TENM1: variants seen among roughly 807,000 people sequenced by gnomAD.
TENM1 encodes teneurin transmembrane protein 1.
Under a neutral mutation model 174.8 loss-of-function variants are expected in TENM1, and 35 were observed. The observed-to-expected ratio is 0.20, with a 90% confidence interval of 0.15 to 0.27. The LOEUF (loss-of-function observed/expected upper bound fraction) is 0.27. TENM1 is among the 10% of genes least tolerant of loss of function. TENM1 has a pLI of 1.00. For synonymous variants in TENM1, 781 were observed against 798.7 expected, an observed-to-expected ratio of 0.98 and a Z score of 0.37; for missense variants, 1,633 against 2,130.1, an observed-to-expected ratio of 0.77 and a Z score of 4.59.
intron 22 of TENM1, among the ~76,000 whole-genome samples, chrX:124,463,358 A>G (rs762192898): frequency 3.6e-5 from 4 of 112,134 alleles, no homozygotes; most frequent in African/African-American, 6.5e-5. Context: ...TGAAGAAGAT[A>G]AAGTATTATG....
chrX:125,201,517 G>A, the TENM1 span, among the ~76,000 whole-genome samples: 1 of 111,512 alleles, frequency 9.0e-6, no homozygotes, highest in East Asian at 2.8e-4. Context: ...AAAAATATTT[G>A]TGGGGTTTTT....
intron 4 of TENM1, among the ~76,000 whole-genome samples, chrX:124,731,779 G>A (rs773007105): frequency 1.4e-4 from 16 of 111,673 alleles, no homozygotes; most frequent in Admixed American, 5.7e-4. Flanking sequence ...TTGGAAGATC[G>A]GTAAGAATGT....
intron 3 of TENM1, among the ~76,000 whole-genome samples, chrX:124,775,178 C>T (rs772696142): frequency 9.1e-6 from 1 of 109,726 alleles, no homozygotes; most frequent in East Asian, 2.9e-4. Context: ...TGGTGGCGTG[C>T]ACCTGTAATC....
chrX:124,957,563 G>A (rs1238895083), intron 1 of TENM1, among the ~76,000 whole-genome samples: 4 of 64,412 alleles, frequency 6.2e-5, no homozygotes, highest in Non-Finnish European at 8.0e-5. Flanking sequence ...CAGCCTGGGC[G>A]ACAAAACTCC....
At chrX:124,470,846 C>T (rs1449632244) in intron 22 of TENM1, among the ~76,000 whole-genome samples, 1 of 108,748 alleles carries the variant, frequency 9.2e-6, no homozygotes, top group Non-Finnish European at 1.9e-5. Flanking sequence ...AGAGCTGAGT[C>T]CTCAGAAATC....
intron 11 of TENM1, among the ~76,000 whole-genome samples, chrX:124,569,161 G>A (rs1336475630): frequency 9.0e-6 from 1 of 111,077 alleles, no homozygotes; most frequent in East Asian, 2.8e-4. Context: ...TCATGCCACT[G>A]CACTCTAGCC....
At chrX:124,399,255 A>G (rs1321194764) in intron 27 of TENM1, among the ~76,000 whole-genome samples, 1 of 112,012 alleles carries the variant, frequency 8.9e-6, no homozygotes, top group Admixed American at 9.5e-5. Flanking sequence ...TGATAAACCC[A>G]TCTGGTAAGG....
At chrX:124,715,992 T>C (rs1405906228) in intron 4 of TENM1, among the ~76,000 whole-genome samples, 2 of 112,323 alleles carry the variant, frequency 1.8e-5, no homozygotes, top group Non-Finnish European at 3.8e-5. Context: ...GTTGAAAATC[T>C]AGATCATTAT....
At chrX:125,121,369 G>A in the TENM1 span, among the ~76,000 whole-genome samples, 1 of 111,890 alleles carries the variant, frequency 8.9e-6, no homozygotes, top group East Asian at 2.8e-4. Flanking sequence ...AGGGGCAGCA[G>A]CCATAATTTA....
intron 3 of TENM1, among the ~76,000 whole-genome samples, chrX:124,828,493 G>A (rs1209823330): frequency 1.8e-5 from 2 of 112,152 alleles, no homozygotes; most frequent in Admixed American, 9.5e-5. Context: ...ATAATTTCAT[G>A]TACTTTCCAC....
intron 3 of TENM1, among the ~76,000 whole-genome samples, chrX:124,890,525 T>C (rs745904745): frequency 8.9e-6 from 1 of 112,022 alleles, no homozygotes; most frequent in Non-Finnish European, 1.9e-5. Flanking sequence ...GGCAAAAGAA[T>C]AGACATTTCT....
At chrX:125,154,678 C>A in the TENM1 span, among the ~76,000 whole-genome samples, 1 of 111,087 alleles carries the variant, frequency 9.0e-6, no homozygotes, top group African/African-American at 3.3e-5. Context: ...TGTTACAGTT[C>A]TTAAAGGCGG....
chrX:124,858,481 C>T (rs1382104639), intron 3 of TENM1, among the ~76,000 whole-genome samples: 1 of 111,686 alleles, frequency 9.0e-6, no homozygotes, highest in East Asian at 2.8e-4. Context: ...CAATCAAAGC[C>T]ATGGTGATTG....
chrX:124,523,316 C>T, intron 17 of TENM1, 48 bp downstream of exon 20: 2 of 1,166,142 alleles, frequency 1.7e-6, no homozygotes, highest in South Asian at 3.7e-5. Flanking sequence ...CACTGTTGAC[C>T]ACTCCATGAT....
the TENM1 span, among the ~76,000 whole-genome samples, chrX:125,003,562 G>A: frequency 9.0e-6 from 1 of 111,261 alleles, no homozygotes; most frequent in Admixed American, 9.6e-5. Flanking sequence ...AAGCCTCAAG[G>A]GGAAAGAGTT....
chrX:124,841,064 T>C (rs185116026), intron 3 of TENM1, among the ~76,000 whole-genome samples: 31 of 111,781 alleles, frequency 2.8e-4, no homozygotes, highest in African/African-American at 1.0e-3. Context: ...TTTCTATGCC[T>C]AAAATTACCT....
At chrX:125,140,877 A>T in the TENM1 span, among the ~76,000 whole-genome samples, 381 of 112,086 alleles carry the variant, frequency 3.4e-3, 2 homozygotes, top group African/African-American at 0.012. Context: ...CAACCACCAC[A>T]AGCCCTGAAT....
the TENM1 span, among the ~76,000 whole-genome samples, chrX:125,145,432 T>C: frequency 8.9e-6 from 1 of 112,708 alleles, no homozygotes; most frequent in African/African-American, 3.2e-5. Flanking sequence ...TTAAAATATT[T>C]GCCAACAATT....
chrX:124,931,876 C>CAT (rs1357356588), intron 1 of TENM1, among the ~76,000 whole-genome samples: 8 of 80,848 alleles, frequency 9.9e-5, no homozygotes, highest in African/African-American at 3.0e-4. Flanking sequence ...CGCACGCACA[C>CAT]ACACACACAC....
Sources: allele counts gnomAD v4.1 joint callset (sites outside exome capture counted in the v4.1 genomes callset), GRCh38; gene constraint gnomAD v4.1.1; transcripts MANE v1.5; gene names NCBI Gene and HGNC (gene_info 2026-07-23, HGNC 2026-07-21).